TUSC3: variants seen among roughly 807,000 people sequenced by gnomAD.
The protein encoded by TUSC3 is tumor suppressor candidate 3.
TUSC3 carries 45 observed loss-of-function variants against 44.8 expected under a neutral mutation model. That is an observed-to-expected ratio of 1.00 (90% CI 0.79 to 1.29). The LOEUF is 1.29. Ranked by LOEUF, TUSC3 falls within the 50% of genes most tolerant of loss-of-function variation. The pLI, the probability that TUSC3 is intolerant of heterozygous loss-of-function variation, is 0.00. For missense variants in TUSC3, 519 were observed against 437.9 expected (o/e 1.19, Z -1.65); for synonymous variants, 212 against 152.9 (o/e 1.39, Z -2.85).
intron 1 of TUSC3, among the ~76,000 whole-genome samples, chr8:15,417,970 A>T (rs1282563077): frequency 6.6e-6 from 1 of 152,036 alleles, no homozygotes; most frequent in Non-Finnish European, 1.5e-5. Context: ...AATTATTAAA[A>T]CTCTACATGC....
downstream of TUSC3, among the ~76,000 whole-genome samples, chr8:15,768,964 T>C (rs112295851): frequency 6.6e-6 from 1 of 152,274 alleles, no homozygotes; most frequent in Non-Finnish European, 1.5e-5. Context: ...TGCTCATGGA[T>C]AGGACAGATG....
chr8:15,497,294 T>G (rs1054454586), intron 2 of TUSC3, among the ~76,000 whole-genome samples: 4 of 152,116 alleles, frequency 2.6e-5, no homozygotes, highest in Non-Finnish European at 5.9e-5. Flanking sequence ...GAGGGCCCAG[T>G]GATGTGTAGA....
chr8:15,488,417 G>T (rs999699117), intron 2 of TUSC3, among the ~76,000 whole-genome samples: 1 of 152,024 alleles, frequency 6.6e-6, no homozygotes, highest in Non-Finnish European at 1.5e-5. Context: ...CTGGAGGATT[G>T]CTTGAGCCCA....
chr8:15,690,322 C>T (rs936735882), intron 6 of TUSC3, among the ~76,000 whole-genome samples: 21 of 150,550 alleles, frequency 1.4e-4, no homozygotes, highest in Admixed American at 1.3e-4. Flanking sequence ...TGAAAAGTGT[C>T]GGTTCATGTC....
chr8:15,687,706 G>C (rs527734019), intron 6 of TUSC3, among the ~76,000 whole-genome samples: 1 of 152,250 alleles, frequency 6.6e-6, no homozygotes, highest in South Asian at 2.1e-4. Context: ...GAAGAACCTT[G>C]TGATTTGTAC....
At chr8:15,563,183 A>C (rs1802540679) in intron 1 of TUSC3, among the ~76,000 whole-genome samples, 1 of 152,216 alleles carries the variant, frequency 6.6e-6, no homozygotes, top group African/African-American at 2.4e-5. Context: ...CAATGACTAT[A>C]AAATTAAAGT....
At chr8:15,629,556 T>G (rs1805665914) in intron 2 of TUSC3, among the ~76,000 whole-genome samples, 1 of 149,594 alleles carries the variant, frequency 6.7e-6, no homozygotes, top group Non-Finnish European at 1.5e-5. Flanking sequence ...CCATCTTGTT[T>G]TTTTTTTTTT....
chr8:15,624,988 G>A (rs1324569928), intron 2 of TUSC3, among the ~76,000 whole-genome samples: 1 of 152,002 alleles, frequency 6.6e-6, no homozygotes, highest in Non-Finnish European at 1.5e-5. Flanking sequence ...GATATTAGCT[G>A]TAGGTTTTTT....
At chr8:15,595,388 A>G (rs1804024921) in intron 1 of TUSC3, among the ~76,000 whole-genome samples, 1 of 151,978 alleles carries the variant, frequency 6.6e-6, no homozygotes, top group Non-Finnish European at 1.5e-5. Flanking sequence ...CTCTGTTTCC[A>G]TAGCTCAGGA....
chr8:15,831,121 G>A, the TUSC3 span, among the ~76,000 whole-genome samples: 2 of 152,120 alleles, frequency 1.3e-5, no homozygotes, highest in African/African-American at 2.4e-5. Flanking sequence ...AGGAGCTAGA[G>A]AACAAAGATG....
intron 6 of TUSC3, chr8:15,689,382 G>T (rs1808789312): frequency 4.5e-6 from 1 of 220,844 alleles, no homozygotes; most frequent in Non-Finnish European, 9.2e-6. Flanking sequence ...GGGCCTGGGG[G>T]TGACACCATC....
At chr8:15,699,729 T>G (rs1027776838) in intron 6 of TUSC3, among the ~76,000 whole-genome samples, 1 of 152,208 alleles carries the variant, frequency 6.6e-6, no homozygotes, top group South Asian at 2.1e-4. Context: ...TTAGATTTAG[T>G]GCCCTTTACA....
intron 5 of TUSC3, among the ~76,000 whole-genome samples, chr8:15,670,985 A>G (rs973681260): frequency 2.0e-5 from 3 of 151,970 alleles, no homozygotes; most frequent in African/African-American, 4.8e-5. Flanking sequence ...ACACTATCAT[A>G]CCTCTGCCAG....
chr8:15,482,240 T>G (rs1480658082), intron 1 of TUSC3, among the ~76,000 whole-genome samples: 2 of 152,220 alleles, frequency 1.3e-5, no homozygotes, highest in African/African-American at 4.8e-5. Flanking sequence ...CAATTCCAGT[T>G]AAACTTCCTC....
At chr8:15,453,448 T>TA (rs1381844621) in intron 1 of TUSC3, among the ~76,000 whole-genome samples, 1 of 152,146 alleles carries the variant, frequency 6.6e-6, no homozygotes. Context: ...CATCTTTAAA[T>TA]AAAAAACGGT....
Position 15,623,231 on chromosome 8 carries a change from G to C in TUSC3, c.290G>C (p.Arg97Pro), listed in dbSNP as rs777763298. The change falls in exon 2 of 11, where the codon CGG (arginine) becomes CCG (proline). Residue 97 changes from arginine (R) to proline (P), a missense_variant. Coordinates refer to ENST00000503731, the MANE Select transcript of TUSC3 (RefSeq NM_006765.4). ...IVMFTALQPQ[R>P]QCSVCRQANE... ...ATGTTCACTGCTCTTCAGCCTCAGC[G>C]GCAGTGTTCTGTGTGCAGGTAATTT... 6.2e-7 allele frequency: 1 copy of C among 1,607,400 alleles called. No homozygotes were observed. The highest frequency in any genetic ancestry group is 8.5e-7 in the Non-Finnish European group (1 of 1,176,774).
chr8:15,634,358 A>T (rs910806264), intron 2 of TUSC3, among the ~76,000 whole-genome samples: 1 of 152,164 alleles, frequency 6.6e-6, no homozygotes, highest in Non-Finnish European at 1.5e-5. Flanking sequence ...ACCCGCAGGG[A>T]GTAGTTAGTT....
At chr8:15,824,691 T>G in the TUSC3 span, among the ~76,000 whole-genome samples, 2 of 152,126 alleles carry the variant, frequency 1.3e-5, no homozygotes, top group Non-Finnish European at 2.9e-5. Context: ...CACACCAACA[T>G]GTACACATAT....
intron 1 of TUSC3, among the ~76,000 whole-genome samples, chr8:15,481,742 A>T (rs1454113634): frequency 1.3e-5 from 2 of 152,354 alleles, no homozygotes; most frequent in African/African-American, 4.8e-5. Flanking sequence ...TATTACTAAA[A>T]AAAAATGCTA....
Sources: gnomAD v4.1 joint callset for allele counts (sites outside exome capture counted in the v4.1 genomes callset) on GRCh38, gnomAD v4.1.1 for gene constraint, MANE v1.5 for transcripts, NCBI Gene and HGNC (gene_info 2026-07-23, HGNC 2026-07-21) for gene names.